Variants in PARD3 observed in about 807,000 individuals in gnomAD.
PARD3 encodes the protein par-3 family cell polarity regulator.
Under a neutral mutation model 155.4 loss-of-function variants are expected in PARD3, and 75 were observed. That is an observed-to-expected ratio of 0.48 (90% CI 0.40 to 0.58). The LOEUF is 0.58. PARD3 is among the 20% of genes least tolerant of loss of function. The pLI is 0.00. For synonymous variants in PARD3, 576 were observed against 610.5 expected, an observed-to-expected ratio of 0.94 and a Z score of 0.83; for missense variants, 1,642 against 1,721.7, an observed-to-expected ratio of 0.95 and a Z score of 0.82.
At chr10:34,487,204 T>C (rs981963210) in intron 3 of PARD3, among the ~76,000 whole-genome samples, 3 of 152,076 alleles carry the variant, frequency 2.0e-5, no homozygotes, top group African/African-American at 7.2e-5. Context: ...CACTCTCTTT[T>C]CTAAGGTCGG....
At chr10:34,649,071 A>C (rs2092929694) in intron 2 of PARD3, among the ~76,000 whole-genome samples, 1 of 152,214 alleles carries the variant, frequency 6.6e-6, no homozygotes, top group Non-Finnish European at 1.5e-5. Context: ...CTGACAGATG[A>C]CTGTACAAGT....
chr10:34,346,449 C>G, intron 15 of PARD3: 3 of 1,348,522 alleles, frequency 2.2e-6, no homozygotes, highest in Non-Finnish European at 3.0e-6. Flanking sequence ...GTCCTATGTT[C>G]CTATAATAAA....
chr10:34,623,543 G>C (rs964413360), intron 2 of PARD3, among the ~76,000 whole-genome samples: 2 of 152,124 alleles, frequency 1.3e-5, no homozygotes, highest in Non-Finnish European at 2.9e-5. Flanking sequence ...TGACTGAAAG[G>C]AAGACTAAGA....
rs530443066 is a variant in PARD3, at chr10:34,162,179, C to T, written c.3420-30596G>A. On this transcript the variant is annotated intron_variant, in intron 22 of 24. Coordinates refer to ENST00000374788, the MANE Select transcript of PARD3 (RefSeq NM_001184785.2). ...AACCTGCACAGGGAGTTTGCCTGAACACGCCCAGAGCAGACTAAGGGACCA... is the reference window on the plus strand; with the variant it reads ...AACCTGCACAGGGAGTTTGCCTGAATACGCCCAGAGCAGACTAAGGGACCA... Among the ~76,000 whole-genome samples, 72 of 152,202 alleles carry T rather than the reference C, an allele frequency of 4.7e-4. No individual in the cohort carries two copies. The South Asian group carries it at 0.015, about 31-fold the overall frequency.
intron 16 of PARD3, among the ~76,000 whole-genome samples, chr10:34,339,724 C>T (rs1836596228): frequency 6.6e-6 from 1 of 152,144 alleles, no homozygotes. Context: ...ACTACATGTA[C>T]AATTTAAAAT....
At chr10:34,216,702 C>A (rs988851350) in intron 22 of PARD3, among the ~76,000 whole-genome samples, 1 of 152,194 alleles carries the variant, frequency 6.6e-6, no homozygotes, top group Admixed American at 6.5e-5. Context: ...TATGCTTATC[C>A]TTCAGGCTCT....
intron 1 of PARD3, among the ~76,000 whole-genome samples, chr10:34,762,357 G>A (rs1044297541): frequency 1.3e-5 from 2 of 151,352 alleles, no homozygotes; most frequent in East Asian, 2.0e-4. Flanking sequence ...ACAGTAACAC[G>A]ATCACAACTC....
chr10:34,712,505 AT>A (rs2094462114), intron 1 of PARD3, among the ~76,000 whole-genome samples: 1 of 152,182 alleles, frequency 6.6e-6, no homozygotes, highest in Non-Finnish European at 1.5e-5. Flanking sequence ...TTTCAACTGT[AT>A]TTTGTAGAAG....
chr10:34,180,854 A>G (rs1249047568), intron 22 of PARD3, among the ~76,000 whole-genome samples: 1 of 152,054 alleles, frequency 6.6e-6, no homozygotes, highest in Non-Finnish European at 1.5e-5. Context: ...AAATGACAAA[A>G]AGGACTTCTT....
chr10:34,725,811 C>T (rs1410886866), intron 1 of PARD3, among the ~76,000 whole-genome samples: 11 of 152,192 alleles, frequency 7.2e-5, no homozygotes, highest in Non-Finnish European at 1.5e-5. Flanking sequence ...AACTGAACAA[C>T]AAAAGTTACT....
At chr10:34,741,495 T>G (rs1391645964) in intron 1 of PARD3, among the ~76,000 whole-genome samples, 1 of 152,132 alleles carries the variant, frequency 6.6e-6, no homozygotes, top group Non-Finnish European at 1.5e-5. Flanking sequence ...TATTTTTATT[T>G]ATAAAAAGAA....
intron 15 of PARD3, among the ~76,000 whole-genome samples, chr10:34,346,759 G>A (rs1837474994): frequency 6.6e-6 from 1 of 152,174 alleles, no homozygotes. Context: ...AAAGAAAAAT[G>A]TTGACAAAGT....
In PARD3 at chr10:34,360,128, G is replaced by C. The variant is rs1839304210; in HGVS notation, c.1839C>G (p.Asn613Lys). 6.2e-7 allele frequency: 1 copy of C among 1,614,058 alleles called. No individual in the cohort carries two copies. The highest frequency in any genetic ancestry group is 1.1e-5 in the South Asian group (1 of 91,070). ...VSVKGNRSKE[N>K]HADLGIFVKS... Reference sequence around the variant, plus strand: ...TGACAAAGATTCCCAAATCTGCGTGGTTCTCTTTTGACCGGTTACCTTTGA... The same window carrying C: ...TGACAAAGATTCCCAAATCTGCGTGCTTCTCTTTTGACCGGTTACCTTTGA... The change falls in exon 13 of 25, where the codon AAC (asparagine) becomes AAG (lysine). Residue 613 changes from asparagine to lysine, a missense_variant. Asn to Lys is a moderately conservative substitution (Grantham distance 94, BLOSUM62 0). Around this residue, in one of 3 missense-constraint regions of PARD3, gnomAD observed 1,529 missense variants for 1,587.3 expected, o/e 0.96. Coordinates refer to ENST00000374788, the MANE Select transcript of PARD3 (RefSeq NM_001184785.2).
At chr10:34,282,085 C>T (rs1195164772) in intron 21 of PARD3, among the ~76,000 whole-genome samples, 2 of 127,516 alleles carry the variant, frequency 1.6e-5, no homozygotes, top group Non-Finnish European at 3.5e-5. Flanking sequence ...TGGAAGAATG[C>T]TTGCCCTATT....
rs564706216 is a variant in PARD3 at position 34,729,306 on chromosome 10, G to A, written c.121-32887C>T. 1.9e-4 allele frequency among the ~76,000 whole-genome samples: 29 copies of A among 152,138 alleles called. No homozygotes were observed. In the South Asian group the frequency reaches 6.0e-3, roughly 32 times the overall value. On this transcript the variant is annotated intron_variant, in intron 1 of 24. Transcript: ENST00000374788. ...AGCACTTTGGGAGGTTGAGGTGGGCGGATCACTTGAGGTCAGGAGTTCAAA... is the reference window on the plus strand; with the variant it reads ...AGCACTTTGGGAGGTTGAGGTGGGCAGATCACTTGAGGTCAGGAGTTCAAA...
intron 1 of PARD3, among the ~76,000 whole-genome samples, chr10:34,734,762 C>T (rs1209182608): frequency 6.6e-6 from 1 of 151,948 alleles, no homozygotes; most frequent in African/African-American, 2.4e-5. Context: ...TGCTTTCTTT[C>T]ATTAATTTTA....
In PARD3 at chr10:34,114,591, G is replaced by A. The variant is rs964862759; in HGVS notation, c.3669-3029C>T. Among the ~76,000 whole-genome samples, 15 of 152,158 alleles carry A rather than the reference G, an allele frequency of 9.9e-5. No homozygotes were observed. In the East Asian group the frequency reaches 2.5e-3, roughly 26 times the overall value. Reference sequence around the variant, plus strand: ...AACTCCTGAACTCAAGTGATCTGCCGACCTCAGCCTCCCATAGTCCTGGGA... The same window carrying A: ...AACTCCTGAACTCAAGTGATCTGCCAACCTCAGCCTCCCATAGTCCTGGGA... On this transcript the variant is annotated intron_variant, in intron 24 of 24. Transcript: ENST00000374788.
At chr10:34,197,068 C>T (rs1211202473) in intron 22 of PARD3, among the ~76,000 whole-genome samples, 1 of 152,122 alleles carries the variant, frequency 6.6e-6, no homozygotes, top group Non-Finnish European at 1.5e-5. Context: ...ACCCACTACA[C>T]GAGCAATGTT....
At chr10:34,811,913 G>C (rs1443131378) in intron 1 of PARD3, among the ~76,000 whole-genome samples, 1 of 152,160 alleles carries the variant, frequency 6.6e-6, no homozygotes, top group Non-Finnish European at 1.5e-5. Flanking sequence ...CCAATGTCTA[G>C]CACCGCACTG....
Sources: gnomAD v4.1 joint callset for allele counts (sites outside exome capture counted in the v4.1 genomes callset) on GRCh38, gnomAD v4.1.1 for gene constraint, gnomAD v4.1.1 regional missense constraint, MANE v1.5 for transcripts, NCBI Gene and HGNC (gene_info 2026-07-23, HGNC 2026-07-21) for gene names.